The following CSMD1 variants were observed in gnomAD, a reference collection of about 807,000 sequenced individuals.
CSMD1 encodes the protein CUB and Sushi multiple domains 1.
In CSMD1, 213 loss-of-function variants were observed where a neutral mutation model predicts 417.5. The observed-to-expected ratio is 0.51, with a 90% CI of 0.46 to 0.57. CSMD1 has a LOEUF of 0.57. Among genes scored for constraint, CSMD1 ranks in the 20% least tolerant of loss-of-function variants. The pLI is 0.00. For synonymous variants in CSMD1, 2,862 were observed against 1,736.8 expected (o/e 1.65, Z -16.11); for missense variants, 6,923 against 4,529.7 (o/e 1.53, Z -15.17).
At chr8:3,743,225 G>A (rs1009241602) in intron 6 of CSMD1, among the ~76,000 whole-genome samples, 5 of 152,076 alleles carry the variant, frequency 3.3e-5, no homozygotes, top group Admixed American at 2.0e-4. Context: ...CTTTTTTTGT[G>A]GTTTTATTTT....
At chr8:3,543,616 A>C (rs1434524810) in intron 10 of CSMD1, among the ~76,000 whole-genome samples, 5 of 151,700 alleles carry the variant, frequency 3.3e-5, no homozygotes, top group Non-Finnish European at 5.9e-5. Flanking sequence ...TATAAGTATA[A>C]TAATTTTCAG....
At chr8:3,295,439 G>T (rs546061944) in intron 25 of CSMD1, among the ~76,000 whole-genome samples, 1 of 152,020 alleles carries the variant, frequency 6.6e-6, no homozygotes, top group African/African-American at 2.4e-5. Flanking sequence ...ATTTGCTTTT[G>T]TACTATTATG....
intron 7 of CSMD1, among the ~76,000 whole-genome samples, chr8:3,636,719 T>A (rs1255229256): frequency 6.6e-6 from 1 of 152,242 alleles, no homozygotes; most frequent in African/African-American, 2.4e-5. Context: ...TGTGACCATC[T>A]TGGGAGCAGC....
intron 12 of CSMD1, among the ~76,000 whole-genome samples, chr8:3,439,493 C>CTGTGTG (rs34772541): frequency 0.018 from 2,572 of 145,470 alleles, 85 homozygotes; most frequent in African/African-American, 0.056. Context: ...GTGTGTGTAT[C>CTGTGTG]TGTGTGTGTG....
chr8:4,015,063 A>G (rs537161314), intron 4 of CSMD1, among the ~76,000 whole-genome samples: 4 of 152,150 alleles, frequency 2.6e-5, no homozygotes, highest in Non-Finnish European at 5.9e-5. Context: ...TTTTGATACG[A>G]TTTACACTGG....
At chr8:3,627,764 G>T (rs1229963758) in intron 7 of CSMD1, among the ~76,000 whole-genome samples, 1 of 152,140 alleles carries the variant, frequency 6.6e-6, no homozygotes, top group African/African-American at 2.4e-5. Context: ...GAAGAAATGA[G>T]AAAAGTGAGG....
intron 54 of CSMD1, among the ~76,000 whole-genome samples, chr8:2,990,294 T>C (rs1022757834): frequency 1.3e-5 from 2 of 152,238 alleles, no homozygotes; most frequent in African/African-American, 4.8e-5. Flanking sequence ...ATTTCATGTA[T>C]TCCTCTGAGA....
intron 1 of CSMD1, among the ~76,000 whole-genome samples, chr8:4,679,998 T>A (rs2130973245): frequency 6.6e-6 from 1 of 152,312 alleles, no homozygotes; most frequent in South Asian, 2.1e-4. Flanking sequence ...CAGCTTGTAA[T>A]TTGTTTTAGT....
chr8:3,038,092 G>A (rs1281140031), intron 50 of CSMD1, among the ~76,000 whole-genome samples: 1 of 151,414 alleles, frequency 6.6e-6, no homozygotes, highest in African/African-American at 2.4e-5. Flanking sequence ...CTTAGATCCT[G>A]GAATATTTAA....
intron 3 of CSMD1, among the ~76,000 whole-genome samples, chr8:4,415,925 A>G (rs1300520567): frequency 6.6e-6 from 1 of 152,220 alleles, no homozygotes; most frequent in African/African-American, 2.4e-5. Context: ...ACATGTGGAT[A>G]ATTTCTGCTT....
intron 7 of CSMD1, among the ~76,000 whole-genome samples, chr8:3,647,200 G>A (rs1797619196): frequency 6.6e-6 from 1 of 152,144 alleles, no homozygotes; most frequent in Non-Finnish European, 1.5e-5. Flanking sequence ...GTGAAAACCT[G>A]CACTCTTTAA....
At chr8:3,485,235 A>C in intron 11 of CSMD1, among the ~76,000 whole-genome samples, 1 of 152,216 alleles carries the variant, frequency 6.6e-6, no homozygotes, top group East Asian at 1.9e-4. Flanking sequence ...AAACGGGAGG[A>C]AACGATTGCA....
At chr8:3,025,712 C>A (rs1331989009) in intron 51 of CSMD1, among the ~76,000 whole-genome samples, 1 of 152,142 alleles carries the variant, frequency 6.6e-6, no homozygotes, top group Non-Finnish European at 1.5e-5. Context: ...CTGTATTAAG[C>A]CACACATTAA....
At chr8:4,251,923 G>C (rs1437139165) in intron 3 of CSMD1, among the ~76,000 whole-genome samples, 1 of 151,744 alleles carries the variant, frequency 6.6e-6, no homozygotes, top group Non-Finnish European at 1.5e-5. Context: ...TGTGGGAATG[G>C]GAAGGGAGGG....
chr8:3,853,000 C>A (rs1002755332), intron 5 of CSMD1, among the ~76,000 whole-genome samples: 4 of 152,158 alleles, frequency 2.6e-5, no homozygotes, highest in Non-Finnish European at 4.4e-5. Flanking sequence ...CTTGACTTGA[C>A]ATCACCTCGT....
chr8:3,555,232 GA>G (rs1384483623), intron 10 of CSMD1, among the ~76,000 whole-genome samples: 5 of 151,978 alleles, frequency 3.3e-5, no homozygotes, highest in Admixed American at 1.3e-4. Context: ...CAGTGCTTGT[GA>G]AATGTGACAG....
intron 5 of CSMD1, among the ~76,000 whole-genome samples, chr8:3,966,527 G>C (rs184706169): frequency 6.6e-6 from 1 of 152,196 alleles, no homozygotes; most frequent in African/African-American, 2.4e-5. Flanking sequence ...GGAGAAAATT[G>C]TATTCTTTTG....
intron 49 of CSMD1, among the ~76,000 whole-genome samples, chr8:3,058,532 C>G (rs948799303): frequency 6.6e-6 from 1 of 152,132 alleles, no homozygotes; most frequent in African/African-American, 2.4e-5. Context: ...ATATAAGGTG[C>G]TAAGACAGGA....
At chr8:4,122,044 A>C (rs891025817) in intron 3 of CSMD1, among the ~76,000 whole-genome samples, 2 of 152,022 alleles carry the variant, frequency 1.3e-5, no homozygotes, top group African/African-American at 4.8e-5. Flanking sequence ...TTGTATAACT[A>C]CATGTTCCTT....
Sources: gnomAD v4.1 joint callset for allele counts (sites outside exome capture counted in the v4.1 genomes callset) on GRCh38, gnomAD v4.1.1 for gene constraint, MANE v1.5 for transcripts, NCBI Gene and HGNC (gene_info 2026-07-23, HGNC 2026-07-21) for gene names.